Variants in PTPRR observed in about 807,000 individuals in gnomAD.
PTPRR encodes the protein protein tyrosine phosphatase receptor type R, also known as receptor-type tyrosine-protein phosphatase R.
In PTPRR, 38 loss-of-function variants were observed where a neutral mutation model predicts 77.2. The observed-to-expected ratio is 0.49, with a 90% CI of 0.38 to 0.65. PTPRR has a LOEUF of 0.65. PTPRR is among the 30% of genes least tolerant of loss of function. PTPRR has a pLI of 0.00. For synonymous variants in PTPRR, 299 were observed against 283.1 expected (o/e 1.06, Z -0.57); for missense variants, 744 against 799.2 (o/e 0.93, Z 0.83).
chr12:70,844,002 G>A (rs1484937736), intron 2 of PTPRR, among the ~76,000 whole-genome samples: 1 of 151,688 alleles, frequency 6.6e-6, no homozygotes, highest in Non-Finnish European at 1.5e-5. Context: ...TTTCAGTAGA[G>A]GCAGGGTTTC....
At chr12:70,899,023 G>C (rs1893484495) in intron 1 of PTPRR, among the ~76,000 whole-genome samples, 1 of 151,358 alleles carries the variant, frequency 6.6e-6, no homozygotes, top group East Asian at 1.9e-4. Flanking sequence ...ACTCACCAAA[G>C]ATGAAATAAA....
intron 2 of PTPRR, among the ~76,000 whole-genome samples, chr12:70,869,338 T>C (rs1394165910): frequency 6.6e-6 from 1 of 152,148 alleles, no homozygotes; most frequent in South Asian, 2.1e-4. Flanking sequence ...AGAGTGCAGA[T>C]TGACCTGGCA....
chr12:70,678,039 A>C (rs142760590), intron 10 of PTPRR, among the ~76,000 whole-genome samples: 3,087 of 152,178 alleles, frequency 0.02, 59 homozygotes, highest in Admixed American at 0.038. Context: ...TTTTGTCTTC[A>C]ATGGGATACT....
At chr12:70,869,179 TATAATA>T (rs533529771) in intron 2 of PTPRR, among the ~76,000 whole-genome samples, 1 of 151,842 alleles carries the variant, frequency 6.6e-6, no homozygotes, top group African/African-American at 2.4e-5. Context: ...AAACTTAAAG[TATAATA>T]ATAATAAAAT....
chr12:70,681,913 T>C (rs75467092), intron 10 of PTPRR, among the ~76,000 whole-genome samples: 4,494 of 146,368 alleles, frequency 0.031, 91 homozygotes, highest in Non-Finnish European at 0.045. Flanking sequence ...TTTTGAATTC[T>C]GTGATTTCTC....
At chr12:70,728,848 T>C (rs1302282523) in intron 6 of PTPRR, among the ~76,000 whole-genome samples, 1 of 152,068 alleles carries the variant, frequency 6.6e-6, no homozygotes, top group Non-Finnish European at 1.5e-5. Flanking sequence ...ACAATTTTAG[T>C]AATGAATATG....
intron 10 of PTPRR, chr12:70,664,709 T>A (rs565292007): frequency 6.6e-6 from 1 of 151,976 alleles, no homozygotes; most frequent in African/African-American, 2.4e-5. Flanking sequence ...CTCTTGAATG[T>A]TTTTTTTGAC....
intron 2 of PTPRR, among the ~76,000 whole-genome samples, chr12:70,877,797 T>C (rs1301142998): frequency 6.6e-6 from 1 of 152,070 alleles, no homozygotes; most frequent in African/African-American, 2.4e-5. Context: ...GCCAAGTCCA[T>C]CCTAAGCCAA....
At position 70,684,238 on chromosome 12, in the gene PTPRR, G is replaced by T; in HGVS notation, c.1386C>A (p.Phe462Leu). 6.2e-7 allele frequency: 1 copy of T among 1,613,300 alleles called. No individual in the cohort carries two copies. The highest frequency in any genetic ancestry group is 8.5e-7 in the Non-Finnish European group (1 of 1,179,660). ...IRGYSGKEKA[F>L]IATQGPMINT... ...TGATCATGGGGCCCTGCGTGGCAAT[G>T]AAGGCTTTCTCCTTGCCACTGTAGC... Residue 462 changes from phenylalanine (F) to leucine (L), a missense_variant, in exon 10 of 14, where the codon TTC (phenylalanine) becomes TTA (leucine). Phe to Leu is a conservative substitution (Grantham distance 22, BLOSUM62 0). Around this residue, in one of 3 missense-constraint regions of PTPRR, gnomAD observed 570 missense variants for 573.2 expected, o/e 0.99. Coordinates refer to ENST00000283228, the MANE Select transcript of PTPRR (RefSeq NM_002849.4).
chr12:70,696,177 A>AT (rs35849407), intron 8 of PTPRR, among the ~76,000 whole-genome samples: 33,373 of 141,812 alleles, frequency 0.24, 3,776 homozygotes, highest in East Asian at 0.33. Context: ...CTTCCTCTCC[A>AT]TTTTTTTTTT....
intron 13 of PTPRR, among the ~76,000 whole-genome samples, chr12:70,644,263 A>C (rs1274186441): frequency 2.0e-5 from 3 of 152,188 alleles, no homozygotes; most frequent in African/African-American, 7.2e-5. Context: ...TTTCCAGTAC[A>C]CGTTTGTTTT....
At chr12:70,841,244 A>C (rs1326529096) in intron 2 of PTPRR, among the ~76,000 whole-genome samples, 1 of 152,128 alleles carries the variant, frequency 6.6e-6, no homozygotes, top group African/African-American at 2.4e-5. Flanking sequence ...CTTTATCCTG[A>C]ATCACCTGTG....
chr12:70,860,514 G>GA (rs1391678342), intron 2 of PTPRR, among the ~76,000 whole-genome samples: 1 of 152,098 alleles, frequency 6.6e-6, no homozygotes, highest in Non-Finnish European at 1.5e-5. Context: ...GTATTAGTAT[G>GA]AAATAAACTT....
chr12:70,832,089 T>C (rs189729590), intron 2 of PTPRR, among the ~76,000 whole-genome samples: 88 of 152,364 alleles, frequency 5.8e-4, no homozygotes, highest in African/African-American at 1.9e-3. Context: ...AAGAATTTCC[T>C]GATCACTAAA....
chr12:70,878,635 A>G (rs1893094712), intron 2 of PTPRR, among the ~76,000 whole-genome samples: 1 of 152,186 alleles, frequency 6.6e-6, no homozygotes, highest in South Asian at 2.1e-4. Context: ...AAATAGGAAC[A>G]CTTTTACACT....
intron 2 of PTPRR, among the ~76,000 whole-genome samples, chr12:70,813,555 T>A (rs993143743): frequency 4.6e-5 from 7 of 152,236 alleles, no homozygotes; most frequent in Non-Finnish European, 8.8e-5. Flanking sequence ...TAACAAGAAC[T>A]GAGTTAGTGA....
At chr12:70,747,174 C>A (rs986266373) in intron 5 of PTPRR, among the ~76,000 whole-genome samples, 1 of 152,130 alleles carries the variant, frequency 6.6e-6, no homozygotes, top group Non-Finnish European at 1.5e-5. Flanking sequence ...TTTTAACTCA[C>A]TGCTTCTCTT....
intron 12 of PTPRR, among the ~76,000 whole-genome samples, chr12:70,658,247 CACA>C (rs995028410): frequency 6.6e-6 from 1 of 152,144 alleles, no homozygotes; most frequent in African/African-American, 2.4e-5. Flanking sequence ...CTTTTAAAAC[CACA>C]ACATTGATTA....
intron 8 of PTPRR, among the ~76,000 whole-genome samples, chr12:70,689,265 A>C (rs1887977043): frequency 6.6e-6 from 1 of 152,188 alleles, no homozygotes; most frequent in African/African-American, 2.4e-5. Context: ...CAATGTATAC[A>C]TGTATCAAAA....
Sources: gnomAD v4.1 joint callset for allele counts (sites outside exome capture counted in the v4.1 genomes callset) on GRCh38, gnomAD v4.1.1 for gene constraint, gnomAD v4.1.1 regional missense constraint, MANE v1.5 for transcripts, NCBI Gene and HGNC (gene_info 2026-07-23, HGNC 2026-07-21) for gene names.